The following EXOC6B variants were observed in gnomAD, a reference collection of about 807,000 sequenced individuals.
The protein encoded by EXOC6B is SEC15 homolog B.
A neutral mutation model predicts 113.5 loss-of-function variants in EXOC6B; 54 were observed. The observed-to-expected ratio is 0.48, with a 90% CI of 0.38 to 0.60. The LOEUF is 0.60. EXOC6B is among the 20% of genes least tolerant of loss of function. EXOC6B has a pLI of 0.00. For missense variants in EXOC6B, 797 were observed against 977.5 expected (o/e 0.82, Z 2.46); for synonymous variants, 357 against 339.0 (o/e 1.05, Z -0.58).
chr2:72,183,666 T>C (rs1678234502), intron 21 of EXOC6B, among the ~76,000 whole-genome samples: 3 of 152,134 alleles, frequency 2.0e-5, no homozygotes, highest in Admixed American at 6.5e-5. Flanking sequence ...AGAGAAACCA[T>C]CTGTTCTGTG....
intron 20 of EXOC6B, among the ~76,000 whole-genome samples, chr2:72,200,876 A>G (rs1679451725): frequency 6.6e-6 from 1 of 152,186 alleles, no homozygotes; most frequent in African/African-American, 2.4e-5. Context: ...TACCTCAGTG[A>G]ACAAATGTTA....
At chr2:72,630,113 G>A (rs567423997) in intron 6 of EXOC6B, among the ~76,000 whole-genome samples, 9 of 152,224 alleles carry the variant, frequency 5.9e-5, no homozygotes, top group Admixed American at 3.9e-4. Flanking sequence ...CCAATCCAGA[G>A]GTAAACATTC....
At chr2:72,714,062 G>A (rs1266219223) in intron 6 of EXOC6B, among the ~76,000 whole-genome samples, 1 of 152,186 alleles carries the variant, frequency 6.6e-6, no homozygotes, top group African/African-American at 2.4e-5. Context: ...AAAGCCACAA[G>A]GTGGAAGAGT....
chr2:72,397,063 C>A (rs996429838), intron 18 of EXOC6B, among the ~76,000 whole-genome samples: 5 of 151,888 alleles, frequency 3.3e-5, no homozygotes, highest in Non-Finnish European at 5.9e-5. Flanking sequence ...TAATCCATGG[C>A]AATTACAAAA....
chr2:72,299,699 G>A (rs747340688), intron 20 of EXOC6B, among the ~76,000 whole-genome samples: 7 of 152,094 alleles, frequency 4.6e-5, no homozygotes, highest in Non-Finnish European at 7.3e-5. Flanking sequence ...CTTTGATGTC[G>A]ATGACCTTCA....
intron 18 of EXOC6B, among the ~76,000 whole-genome samples, chr2:72,446,931 C>A (rs1696618403): frequency 6.6e-6 from 1 of 152,120 alleles, no homozygotes; most frequent in Non-Finnish European, 1.5e-5. Flanking sequence ...GAAACCCTGT[C>A]TCTACTAAAA....
intron 18 of EXOC6B, among the ~76,000 whole-genome samples, chr2:72,416,137 G>A (rs1694508918): frequency 6.6e-6 from 1 of 152,172 alleles, no homozygotes; most frequent in African/African-American, 2.4e-5. Context: ...GTTTCTTAAG[G>A]ATTCTGTTTT....
intron 20 of EXOC6B, among the ~76,000 whole-genome samples, chr2:72,290,269 G>T (rs1685701012): frequency 6.6e-6 from 1 of 152,094 alleles, no homozygotes; most frequent in Non-Finnish European, 1.5e-5. Context: ...AATTTATATA[G>T]ATACATATTA....
intron 6 of EXOC6B, among the ~76,000 whole-genome samples, chr2:72,642,903 C>CAAACAA (rs1425600016): frequency 1.4e-5 from 2 of 147,688 alleles, no homozygotes; most frequent in Non-Finnish European, 3.0e-5. Context: ...ACAATGAACT[C>CAAACAA]AAACAAATTT....
intron 6 of EXOC6B, among the ~76,000 whole-genome samples, chr2:72,671,631 G>A (rs1675816176): frequency 6.6e-6 from 1 of 151,958 alleles, no homozygotes; most frequent in Non-Finnish European, 1.5e-5. Context: ...CCGGGAGGTG[G>A]AGGTTGCAGT....
chr2:72,745,539 G>T (rs1681640871), intron 1 of EXOC6B, among the ~76,000 whole-genome samples: 1 of 151,968 alleles, frequency 6.6e-6, no homozygotes, highest in East Asian at 1.9e-4. Flanking sequence ...GTGTTCCATA[G>T]GTATGTTTCA....
intron 1 of EXOC6B, among the ~76,000 whole-genome samples, chr2:72,805,129 C>A (rs571240774): frequency 6.6e-6 from 1 of 152,324 alleles, no homozygotes; most frequent in African/African-American, 2.4e-5. Context: ...CAATATGGGA[C>A]TTGTCCTCCT....
At chr2:72,191,473 A>G (rs893735082) in intron 20 of EXOC6B, among the ~76,000 whole-genome samples, 1 of 152,232 alleles carries the variant, frequency 6.6e-6, no homozygotes, top group African/African-American at 2.4e-5. Context: ...CACACTCCCC[A>G]AGATGCCACA....
At chr2:72,548,396 G>A (rs886765032) in intron 8 of EXOC6B, among the ~76,000 whole-genome samples, 27 of 152,060 alleles carry the variant, frequency 1.8e-4, no homozygotes, top group African/African-American at 6.0e-4. Context: ...GTGGAAGGTC[G>A]GTTTCACTAA....
At chr2:72,730,579 G>GACACACACACACACACACACAAAC (rs1553474387) in intron 5 of EXOC6B, among the ~76,000 whole-genome samples, 2 of 144,456 alleles carry the variant, frequency 1.4e-5, no homozygotes, top group Non-Finnish European at 3.0e-5. Context: ...AACAGACAGA[G>GACACACACACACACACACACAAAC]ACACACACAC....
At chr2:72,820,838 C>G (rs1686540493) in intron 1 of EXOC6B, among the ~76,000 whole-genome samples, 1 of 151,896 alleles carries the variant, frequency 6.6e-6, no homozygotes, top group African/African-American at 2.4e-5. Flanking sequence ...AAAATTAACT[C>G]AAAATGAATC....
intron 1 of EXOC6B, among the ~76,000 whole-genome samples, chr2:72,815,405 C>T (rs1341855887): frequency 6.6e-6 from 1 of 151,548 alleles, no homozygotes; most frequent in Non-Finnish European, 1.5e-5. Flanking sequence ...GTGAGAGGAT[C>T]GCTTCAGCCC....
chr2:72,550,285 G>T (rs1307628327), intron 8 of EXOC6B, among the ~76,000 whole-genome samples: 1 of 152,100 alleles, frequency 6.6e-6, no homozygotes, highest in Non-Finnish European at 1.5e-5. Flanking sequence ...ACTTGAGAAT[G>T]GGATAACAAA....
Position 72,283,017 on chromosome 2 carries a change from TAG to T in EXOC6B, c.2196+51928_2196+51929del, listed in dbSNP as rs1244148492. Among the ~76,000 whole-genome samples, 9 of 152,164 alleles carry T rather than the reference TAG, an allele frequency of 5.9e-5. No individual in the cohort carries two copies. The East Asian group carries it at 1.7e-3, about 29-fold the overall frequency. ...AATTAGAACAAAACTAAAAAATCAT[TAG>T]AGATATAGAATACTTGCCTATCATG... is the stretch of plus-strand genomic sequence containing the variant. On this transcript the variant is annotated intron_variant, in intron 20 of 21. Coordinates refer to ENST00000272427, the MANE Select transcript of EXOC6B (RefSeq NM_015189.3).
Sources: gnomAD v4.1 joint callset for allele counts (sites outside exome capture counted in the v4.1 genomes callset) on GRCh38, gnomAD v4.1.1 for gene constraint, MANE v1.5 for transcripts, NCBI Gene and HGNC (gene_info 2026-07-23, HGNC 2026-07-21) for gene names.